RICTOR: variants seen among roughly 807,000 people sequenced by gnomAD.
RICTOR encodes RPTOR independent companion of MTOR complex 2, also known as rapamycin-insensitive companion of mTOR.
RICTOR carries 49 observed loss-of-function variants against 214.9 expected under a neutral mutation model. The observed-to-expected ratio is 0.23, with a 90% confidence interval of 0.18 to 0.29. RICTOR has a LOEUF of 0.29. Among genes scored for constraint, RICTOR ranks in the 10% least tolerant of loss-of-function variants. The pLI is 1.00. For synonymous variants in RICTOR, 717 were observed against 711.3 expected (o/e 1.01, Z -0.13); for missense variants, 1,625 against 2,047.0 (o/e 0.79, Z 3.98).
chr5:39,052,099 C>A (rs1229925478), intron 2 of RICTOR, among the ~76,000 whole-genome samples: 2 of 152,140 alleles, frequency 1.3e-5, no homozygotes, highest in African/African-American at 2.4e-5. Context: ...ATAGGCCAGG[C>A]GTGGTGGCTC....
At chr5:39,038,250 T>C (rs1162244961) in intron 2 of RICTOR, among the ~76,000 whole-genome samples, 2 of 151,944 alleles carry the variant, frequency 1.3e-5, no homozygotes, top group African/African-American at 4.8e-5. Flanking sequence ...GCAGAAAAGG[T>C]CTTTGACAAA....
chr5:38,938,195 C>CGTAG lies in RICTOR; in HGVS notation c.*4108_*4109insCTAC, dbSNP rs1579831118. On this transcript the variant is annotated 3_prime_UTR_variant, in exon 38 of 38. Transcript: ENST00000357387. Reference sequence around the variant, plus strand: ...TCAGATTTCAATGTCTGTTCAGTGACCTACAAACACCAGAACCTCCAAATA... The same window carrying CGTAG: ...TCAGATTTCAATGTCTGTTCAGTGACGTAGCTACAAACACCAGAACCTCCAAATA... The CGTAG allele has an allele frequency of 1.3e-5, 3 of 222,252 alleles. No individual in the cohort carries two copies. The East Asian group carries it at 2.0e-4, about 15-fold the overall frequency. The allele number at this position is 222,252 out of a possible 1,614,324, so 13.8% of individuals were successfully genotyped here. A position where few individuals can be genotyped will look rare whatever the true frequency, so the allele number is the denominator to read the frequency against.
chr5:39,026,747 C>A (rs1755852781), intron 2 of RICTOR, among the ~76,000 whole-genome samples: 1 of 151,840 alleles, frequency 6.6e-6, no homozygotes, highest in Admixed American at 6.6e-5. Context: ...GTGGCTCACA[C>A]CTGTAATCCT....
intron 36 of RICTOR, 87 bp downstream of exon 36, chr5:38,944,359 A>G (rs1747938317): frequency 7.4e-7 from 1 of 1,349,086 alleles, no homozygotes; most frequent in Admixed American, 1.9e-5. Flanking sequence ...TAAGTTAACT[A>G]GCCTAACTTT....
At chr5:38,953,960 T>C (rs78725161) in intron 27 of RICTOR, among the ~76,000 whole-genome samples, 4 of 151,960 alleles carry the variant, frequency 2.6e-5, no homozygotes, top group Non-Finnish European at 5.9e-5. Context: ...TTAGGTTTTA[T>C]CATACTATGT....
At chr5:38,947,957 A>T (rs1748380825) in intron 31 of RICTOR, among the ~76,000 whole-genome samples, 2 of 152,174 alleles carry the variant, frequency 1.3e-5, no homozygotes, top group South Asian at 4.1e-4. Context: ...GACAGACACA[A>T]GAGCAAAATG....
At chr5:39,015,590 T>A (rs962798011) in intron 3 of RICTOR, among the ~76,000 whole-genome samples, 4 of 151,868 alleles carry the variant, frequency 2.6e-5, no homozygotes, top group African/African-American at 9.7e-5. Context: ...CTGAACACCC[T>A]AAAATACACA....
intron 11 of RICTOR, among the ~76,000 whole-genome samples, chr5:38,968,850 A>C (rs886598586): frequency 3.3e-5 from 5 of 151,770 alleles, no homozygotes; most frequent in African/African-American, 1.2e-4. Flanking sequence ...GAGACATTCC[A>C]GTATACTGCC....
At chr5:39,032,979 T>TA (rs773653403) in intron 2 of RICTOR, among the ~76,000 whole-genome samples, 4 of 152,248 alleles carry the variant, frequency 2.6e-5, no homozygotes, top group Non-Finnish European at 4.4e-5. Context: ...ATACTCATGA[T>TA]ACATTCTTCA....
intron 1 of RICTOR, 79 bp from the exon 2 acceptor site, chr5:39,074,237 C>T: frequency 6.3e-7 from 1 of 1,580,336 alleles, no homozygotes; most frequent in Non-Finnish European, 8.6e-7. Context: ...GGCCAGCGCC[C>T]CGGCTCGCTC....
In RICTOR at chr5:38,942,277, G is replaced by A. The variant is rs1259146358; in HGVS notation, c.*27C>T. The A allele has an allele frequency of 1.5e-6, 2 of 1,309,670 alleles. No homozygotes were observed. The highest frequency in any genetic ancestry group is 2.6e-5 in the South Asian group (2 of 75,938). The allele number at this position is 1,309,670 out of a possible 1,614,324, so 81.1% of individuals were successfully genotyped here. ...CCACAAATATGAATATATATAGTATGTATCTATATCCATCATAAATATGAG... is the reference window on the plus strand; with the variant it reads ...CCACAAATATGAATATATATAGTATATATCTATATCCATCATAAATATGAG... On this transcript the variant is annotated 3_prime_UTR_variant, in exon 38 of 38. Coordinates refer to ENST00000357387, the MANE Select transcript of RICTOR (RefSeq NM_152756.5).
intron 2 of RICTOR, among the ~76,000 whole-genome samples, chr5:39,040,243 C>T (rs1757064867): frequency 6.8e-6 from 1 of 146,622 alleles, no homozygotes; most frequent in Non-Finnish European, 1.5e-5. Context: ...CACATGTTCT[C>T]ACTCATAGGT....
chr5:38,949,534 G>T, intron 31 of RICTOR, 178 bp downstream of exon 31: 1 of 1,115,066 alleles, frequency 9.0e-7, no homozygotes, highest in South Asian at 1.6e-5. Context: ...CCCCCTCGCA[G>T]CTGCAAGAAT....
At chr5:38,962,189 C>T (rs1749851680) in intron 19 of RICTOR, 126 bp downstream of exon 19, 6 of 408,894 alleles carry the variant, frequency 1.5e-5, no homozygotes, top group Middle Eastern at 6.6e-4. Flanking sequence ...ATATGAGTAC[C>T]TATTGAAGAG....
chr5:39,043,536 T>C (rs1467018861), intron 2 of RICTOR, among the ~76,000 whole-genome samples: 1 of 152,168 alleles, frequency 6.6e-6, no homozygotes, highest in East Asian at 1.9e-4. Context: ...AGTTCTGGTG[T>C]TCTCTTGTGC....
At chr5:39,058,652 C>T (rs1369162689) in intron 2 of RICTOR, among the ~76,000 whole-genome samples, 1 of 152,102 alleles carries the variant, frequency 6.6e-6, no homozygotes, top group African/African-American at 2.4e-5. Flanking sequence ...TGCACAATTA[C>T]AACTGCATGT....
intron 9 of RICTOR, among the ~76,000 whole-genome samples, chr5:38,977,594 T>TC (rs1751346085): frequency 2.8e-5 from 1 of 35,704 alleles, no homozygotes; most frequent in Admixed American, 3.3e-4. Context: ...TGAAACCACT[T>TC]TTTTTTTTTT....
chr5:38,977,306 C>T (rs1375680309), intron 9 of RICTOR, among the ~76,000 whole-genome samples: 3 of 152,190 alleles, frequency 2.0e-5, no homozygotes, highest in African/African-American at 2.4e-5. Flanking sequence ...TCTGACCTAT[C>T]AAACTGTGAT....
Position 38,938,793 on chromosome 5 carries a change from G to A in RICTOR, c.*3511C>T. On this transcript the variant is annotated 3_prime_UTR_variant, in exon 38 of 38. Transcript: ENST00000357387. Reference sequence around the variant, plus strand: ...ACTGTAATGACACTCTTGAGATTAAGATAGTAACAGTGTATTTTGTTAATG... The same window carrying A: ...ACTGTAATGACACTCTTGAGATTAAAATAGTAACAGTGTATTTTGTTAATG... The A allele has an allele frequency of 4.3e-6, 1 of 233,062 alleles. No homozygotes were observed. Among genetic ancestry groups the A allele is most frequent in the Non-Finnish European group, 8.5e-6 (1 of 117,686 alleles). 14.4% of individuals were successfully genotyped at this position (233,062 alleles called of 1,614,324 possible).
Sources: gnomAD v4.1 joint callset for allele counts (sites outside exome capture counted in the v4.1 genomes callset) on GRCh38, gnomAD v4.1.1 for gene constraint, MANE v1.5 for transcripts, NCBI Gene and HGNC (gene_info 2026-07-23, HGNC 2026-07-21) for gene names.